Variants in DGKG observed in about 807,000 individuals in gnomAD.
DGKG encodes diacylglycerol kinase gamma.
A neutral mutation model predicts 105.3 loss-of-function variants in DGKG; 78 were observed. The observed-to-expected ratio is 0.74, with a 90% confidence interval of 0.62 to 0.89. DGKG has a LOEUF of 0.89. Ranked by LOEUF, DGKG falls within the 40% of genes least tolerant of loss-of-function variation. DGKG has a pLI of 0.00. For synonymous variants in DGKG, 346 were observed against 367.1 expected (o/e 0.94, Z 0.66); for missense variants, 958 against 1,020.1 (o/e 0.94, Z 0.83).
At chr3:186,235,025 CG>C (rs1247472750) in intron 20 of DGKG, among the ~76,000 whole-genome samples, 1 of 152,092 alleles carries the variant, frequency 6.6e-6, no homozygotes, top group Non-Finnish European at 1.5e-5. Context: ...ATTTGTGTAA[CG>C]TTGAGCACCT....
At chr3:186,186,702 G>A (rs1405844950) in intron 22 of DGKG, among the ~76,000 whole-genome samples, 2 of 152,190 alleles carry the variant, frequency 1.3e-5, no homozygotes, top group Non-Finnish European at 2.9e-5. Context: ...TTCTGCCAGC[G>A]CTTTTACACC....
chr3:186,244,622 T>C (rs1029464915), intron 19 of DGKG, among the ~76,000 whole-genome samples: 4 of 152,240 alleles, frequency 2.6e-5, no homozygotes, highest in Admixed American at 2.6e-4. Flanking sequence ...GCCAGGCTGG[T>C]CTCAAAACTC....
intron 6 of DGKG, among the ~76,000 whole-genome samples, chr3:186,285,718 C>T (rs78148730): frequency 7.2e-6 from 1 of 138,482 alleles, no homozygotes; most frequent in Non-Finnish European, 1.5e-5. Context: ...TCACTCTTGT[C>T]GCCCAGGCTG....
At chr3:186,171,087 C>T (rs1006148971) in intron 22 of DGKG, among the ~76,000 whole-genome samples, 1 of 152,222 alleles carries the variant, frequency 6.6e-6, no homozygotes, top group Admixed American at 6.5e-5. Flanking sequence ...TCCTGGGATG[C>T]CCCAAGCACC....
chr3:186,279,942 T>C lies in DGKG; in HGVS notation c.701A>G (p.Tyr234Cys). 6.2e-7 allele frequency: 1 copy of C among 1,614,200 alleles called. No homozygotes were observed. The highest frequency in any genetic ancestry group is 2.2e-5 in the East Asian group (1 of 44,880). ...TAGAGACACAAAGCCGTCCCGGTCG[T>C]AGTCCATCCCTTGCAGCATCTCCTT... ...ILKEMLQGMD[Y>C]DRDGFVSLQE... Residue 234 changes from tyrosine to cysteine, a missense_variant, in exon 9 of 25, where the codon TAC becomes TGC. By Grantham distance (194) the Tyr-to-Cys change is radical. Around this residue, in one of 2 missense-constraint regions of DGKG, gnomAD observed 643 missense variants for 619.5 expected, o/e 1.04. Coordinates refer to ENST00000265022, the MANE Select transcript of DGKG (RefSeq NM_001346.3).
intron 1 of DGKG, among the ~76,000 whole-genome samples, chr3:186,351,182 C>A (rs1726613688): frequency 6.6e-6 from 1 of 152,128 alleles, no homozygotes; most frequent in African/African-American, 2.4e-5. Flanking sequence ...TGTGAACACT[C>A]TTTATTATGG....
At chr3:186,238,359 G>A (rs1040809332) in intron 20 of DGKG, among the ~76,000 whole-genome samples, 2 of 148,078 alleles carry the variant, frequency 1.4e-5, no homozygotes, top group South Asian at 4.3e-4. Flanking sequence ...ATTTGCAAAT[G>A]ATGTTTGGGA....
chr3:186,273,550 T>A (rs1285764392), intron 10 of DGKG, among the ~76,000 whole-genome samples: 1 of 151,926 alleles, frequency 6.6e-6, no homozygotes, highest in East Asian at 1.9e-4. Context: ...AATTTTTGTA[T>A]TTTTAGTAGG....
chr3:186,285,255 G>C (rs1230770485), intron 6 of DGKG, among the ~76,000 whole-genome samples: 1 of 152,110 alleles, frequency 6.6e-6, no homozygotes, highest in East Asian at 1.9e-4. Flanking sequence ...AATCAACTGG[G>C]CTTAGAACAT....
At chr3:186,212,854 C>T (rs1268846615) in intron 20 of DGKG, among the ~76,000 whole-genome samples, 1 of 152,212 alleles carries the variant, frequency 6.6e-6, no homozygotes, top group East Asian at 1.9e-4. Flanking sequence ...AAATCACATT[C>T]TTCTTGGCAC....
chr3:186,294,318 G>T (rs925684307), intron 5 of DGKG, among the ~76,000 whole-genome samples: 2 of 152,082 alleles, frequency 1.3e-5, no homozygotes, highest in Non-Finnish European at 2.9e-5. Context: ...TGAATGAATT[G>T]TATCTTCTTC....
chr3:186,340,149 A>T (rs910554965), intron 1 of DGKG, among the ~76,000 whole-genome samples: 1 of 152,230 alleles, frequency 6.6e-6, no homozygotes, highest in Non-Finnish European at 1.5e-5. Context: ...ATGAATTTAG[A>T]GATGAAAAAT....
chr3:186,300,360 C>T (rs145473800), intron 3 of DGKG, among the ~76,000 whole-genome samples: 46 of 152,298 alleles, frequency 3.0e-4, no homozygotes, highest in African/African-American at 9.6e-4. Flanking sequence ...TAATCCCATT[C>T]GGATTGGATC....
At position 186,215,590 on chromosome 3, in the gene DGKG, A is replaced by T. The variant is rs115558281; in HGVS notation, c.1827-3705T>A. ...TACAGACTGGAAGTTTGGAAAATAG[A>T]TTGGAGGTGGTGTAGAAATCCAGGA... On this transcript the variant is annotated intron_variant, in intron 20 of 24. Transcript: ENST00000265022. Among the ~76,000 whole-genome samples the T allele has an allele frequency of 8.8e-3, 1,333 of 152,080 alleles. 25 individuals carry two copies. The highest frequency in any genetic ancestry group is 0.03 in the African/African-American group (1,253 of 41,432).
intron 21 of DGKG, among the ~76,000 whole-genome samples, chr3:186,198,662 C>T (rs1718299500): frequency 6.6e-6 from 1 of 152,210 alleles, no homozygotes. Flanking sequence ...GATGACATCA[C>T]CAAAAGGCAA....
At position 186,231,657 on chromosome 3, in the gene DGKG, G is replaced by A. The variant is rs1398249464; in HGVS notation, c.1826+10847C>T. Among the ~76,000 whole-genome samples the A allele has an allele frequency of 6.6e-6, 1 of 152,118 alleles. No individual in the cohort carries two copies. Among genetic ancestry groups the A allele is most frequent in the Admixed American group, 6.6e-5 (1 of 15,254 alleles). On this transcript the variant is annotated intron_variant, in intron 20 of 24. Transcript: ENST00000265022. This position sits in a 1 kb window ranked among gnomAD's most constrained non-coding sequence, Gnocchi z 4.5. ...TACTAGGCCAGGTGTGGTCACTCAC[G>A]CCTGTAATCCCAGCACTTTGGGAAG...
At chr3:186,311,571 C>G (rs1451317565) in intron 2 of DGKG, among the ~76,000 whole-genome samples, 1 of 152,152 alleles carries the variant, frequency 6.6e-6, no homozygotes, top group East Asian at 1.9e-4. Context: ...CCAAAATTGT[C>G]TTCTATACTT....
intron 24 of DGKG, among the ~76,000 whole-genome samples, chr3:186,154,063 C>A (rs988561050): frequency 1.3e-5 from 2 of 152,194 alleles, no homozygotes; most frequent in Non-Finnish European, 2.9e-5. Context: ...CGCCACTGTA[C>A]TCCAGCCTGG....
chr3:186,320,759 C>A, intron 1 of DGKG, 52 bp from the exon 2 acceptor site: 2 of 307,710 alleles, frequency 6.5e-6, no homozygotes, highest in Non-Finnish European at 1.2e-5. Context: ...AAAAAAAAGG[C>A]CCCAAATGTT....
Sources: gnomAD v4.1 joint callset for allele counts (sites outside exome capture counted in the v4.1 genomes callset) on GRCh38, gnomAD v4.1.1 for gene constraint, gnomAD v4.1.1 regional missense constraint, Gnocchi (gnomAD v3.1) non-coding constraint, MANE v1.5 for transcripts, NCBI Gene and HGNC (gene_info 2026-07-23, HGNC 2026-07-21) for gene names.